ARHGEF37: variants seen among roughly 807,000 people sequenced by gnomAD.
The protein encoded by ARHGEF37 is Rho guanine nucleotide exchange factor (GEF) 37.
Under a neutral mutation model 71.1 loss-of-function variants are expected in ARHGEF37, and 55 were observed. That is an observed-to-expected ratio of 0.77 (90% CI 0.62 to 0.97). ARHGEF37 has a LOEUF of 0.97. Among genes scored for constraint, ARHGEF37 ranks in the 50% least tolerant of loss-of-function variants. The pLI is 0.00. For synonymous variants in ARHGEF37, 327 were observed against 350.6 expected (o/e 0.93, Z 0.75); for missense variants, 765 against 836.8 (o/e 0.91, Z 1.06).
In ARHGEF37 at chr5:149,601,216, C is replaced by G. The variant is rs1011002054; in HGVS notation, c.295C>G (p.Gln99Glu). The G allele has an allele frequency of 1.2e-6, 2 of 1,612,084 alleles. No individual in the cohort carries two copies. Among genetic ancestry groups the G allele is most frequent in the African/African-American group, 1.3e-5 (1 of 74,866 alleles). Residue 99 changes from glutamine (Q) to glutamate (E), a missense_variant, in exon 3 of 13, where the codon CAA becomes GAA. By Grantham distance (29) the Gln-to-Glu change is conservative. Transcript: ENST00000333677. Reference sequence around the variant, plus strand: ...GGAGACAGCCTCCAAGGAAGAGGAACAAGTGCAGCTAGTTGGTAAGCAAAA... The same window carrying G: ...GGAGACAGCCTCCAAGGAAGAGGAAGAAGTGCAGCTAGTTGGTAAGCAAAA... The part of the protein sequence containing the change: ...LQETASKEEE[Q>E]VQLVGNIFLE...
chr5:149,609,739 C>A, intron 4 of ARHGEF37, 44 bp downstream of exon 4: 1 of 1,609,822 alleles, frequency 6.2e-7, no homozygotes, highest in South Asian at 1.1e-5. Context: ...CCCCACTGAC[C>A]CGGTTCAGGA....
chr5:149,573,033 G>A (rs1194920424), intron 1 of ARHGEF37, among the ~76,000 whole-genome samples: 2 of 152,174 alleles, frequency 1.3e-5, no homozygotes, highest in Non-Finnish European at 2.9e-5. Flanking sequence ...TGGCAGAAAA[G>A]GTCAAAGCGG....
At chr5:149,597,642 CTGTT>C in intron 1 of ARHGEF37, 113 bp from the exon 2 acceptor site, 1 of 887,432 alleles carries the variant, frequency 1.1e-6, no homozygotes, top group South Asian at 2.1e-5. Flanking sequence ...CATCTTGACT[CTGTT>C]TGCAGCTTAA....
chr5:149,622,538 C>A, intron 9 of ARHGEF37, among the ~76,000 whole-genome samples: 1 of 152,154 alleles, frequency 6.6e-6, no homozygotes, highest in East Asian at 1.9e-4. Flanking sequence ...CTCACAACAA[C>A]CCTACAGAGG....
At chr5:149,624,638 G>A (rs1432371932) in intron 10 of ARHGEF37, among the ~76,000 whole-genome samples, 1 of 75,696 alleles carries the variant, frequency 1.3e-5, no homozygotes, top group Non-Finnish European at 2.8e-5. Flanking sequence ...GCTGAGCGTG[G>A]TGGTGTGCAC....
Position 149,563,652 on chromosome 5 carries a change from T to C in ARHGEF37, c.-12+11529T>C, listed in dbSNP as rs576465672. ...CAAAGGTGACTTTCTCTAACCTTCC[T>C]GGGGGAGGGAGACAAGCTTTCAGCT... On this transcript the variant is annotated intron_variant, in intron 1 of 2. Coordinates refer to the ARHGEF37 transcript ENST00000505810. 2.0e-5 allele frequency among the ~76,000 whole-genome samples: 3 copies of C among 152,300 alleles called. No homozygotes were observed. The East Asian group carries it at 5.8e-4, about 29-fold the overall frequency.
At chr5:149,619,104 T>A in intron 7 of ARHGEF37, 62 bp downstream of exon 7, 1 of 1,386,048 alleles carries the variant, frequency 7.2e-7, no homozygotes. Flanking sequence ...GCAGGAGGCT[T>A]GCAGGGCCCA....
At chr5:149,577,576 G>T (rs1763041277), upstream of ARHGEF37, among the ~76,000 whole-genome samples, 1 of 152,206 alleles carries the variant, frequency 6.6e-6, no homozygotes, top group South Asian at 2.1e-4. Context: ...GAAGTTCTCT[G>T]ATTAGCTAAA....
chr5:149,630,692 G>C (rs1752854964), intron 12 of ARHGEF37, among the ~76,000 whole-genome samples: 1 of 152,166 alleles, frequency 6.6e-6, no homozygotes, highest in African/African-American at 2.4e-5. Context: ...CCGCCGCCCA[G>C]CTCCAGTCAA....
At chr5:149,565,092 A>G (rs1762883493) in intron 1 of ARHGEF37, among the ~76,000 whole-genome samples, 1 of 152,200 alleles carries the variant, frequency 6.6e-6, no homozygotes, top group Non-Finnish European at 1.5e-5. Context: ...GAGCCAGGCA[A>G]GTGTTAGGAG....
At chr5:149,585,570 T>C (rs1189514475) in intron 1 of ARHGEF37, among the ~76,000 whole-genome samples, 6 of 152,182 alleles carry the variant, frequency 3.9e-5, no homozygotes. Flanking sequence ...CAGGCTGGAG[T>C]GCAGTGGCGT....
intron 1 of ARHGEF37, among the ~76,000 whole-genome samples, chr5:149,570,515 G>T (rs1762950248): frequency 6.6e-6 from 1 of 150,618 alleles, no homozygotes; most frequent in Admixed American, 6.6e-5. Context: ...GGCGGAGGTT[G>T]CAGTGAGCCG....
rs375549055 is a variant in ARHGEF37, at chr5:149,618,273, G to T, written c.756G>T (p.Gln252His). 6.2e-7 allele frequency: 1 copy of T among 1,614,248 alleles called. No homozygotes were observed. Among genetic ancestry groups the T allele is most frequent in the African/African-American group, 1.3e-5 (1 of 75,082 alleles). The stretch of plus-strand genomic sequence containing the variant: ...CCAAGAAGACCACCCGGCTGAGCCA[G>T]CTGCTGAAGCAGGAGGCGGGGCTGA... Reference protein sequence around the residue: ...TLSKKTTRLSQLLKQEAGLIP... With the variant: ...TLSKKTTRLSHLLKQEAGLIP... Residue 252 changes from glutamine to histidine, a missense_variant, in exon 6 of 13, where the codon CAG (glutamine) becomes CAT (histidine). Gln to His is a conservative substitution (Grantham distance 24). Transcript: ENST00000333677.
intron 1 of ARHGEF37, among the ~76,000 whole-genome samples, chr5:149,554,988 G>A (rs552481379): frequency 4.6e-5 from 7 of 152,002 alleles, no homozygotes; most frequent in South Asian, 2.1e-4. Context: ...AAAATTAGCC[G>A]GGCGTGGTGG....
intron 12 of ARHGEF37, among the ~76,000 whole-genome samples, chr5:149,630,946 A>C (rs1752862215): frequency 6.6e-6 from 1 of 152,210 alleles, no homozygotes. Flanking sequence ...TGTATGTATC[A>C]GGCACTGTGT....
At chr5:149,591,610 C>A (rs1271232726) in intron 1 of ARHGEF37, among the ~76,000 whole-genome samples, 1 of 152,172 alleles carries the variant, frequency 6.6e-6, no homozygotes, top group East Asian at 1.9e-4. Flanking sequence ...ATAACTTAAG[C>A]TATATAGACA....
At position 149,557,865 on chromosome 5, in the gene ARHGEF37, AT is replaced by A. The variant is rs529240803; in HGVS notation, c.-12+5760del. On this transcript the variant is annotated intron_variant, in intron 1 of 2. Transcript: ENST00000505810. ...GTAAGTTCTATATGTTTACCCAATA[AT>A]TTTTTTTTTTTTTTTTTGAGACAGA... 6.4e-3 allele frequency among the ~76,000 whole-genome samples: 879 copies of A among 137,030 alleles called. 1 individual carries two copies. The highest frequency in any genetic ancestry group is 0.015 in the African/African-American group (542 of 36,770). The allele number at this position is 137,030 out of a possible 152,430, so 89.9% of individuals were successfully genotyped here.
intron 2 of ARHGEF37, among the ~76,000 whole-genome samples, chr5:149,598,372 CTCTTCCTCT>C (rs1763633686): frequency 9.9e-6 from 1 of 100,820 alleles, no homozygotes; most frequent in Admixed American, 1.3e-4. Flanking sequence ...CCTCTTCTTC[CTCTTCCTCT>C]TCTTCCTCTT....
In ARHGEF37 at chr5:149,565,294, A is replaced by G. The variant is rs189797785; in HGVS notation, c.-12+13171A>G. 2.0e-5 allele frequency among the ~76,000 whole-genome samples: 3 copies of G among 152,330 alleles called. No homozygotes were observed. In the East Asian group the frequency reaches 5.8e-4, roughly 29 times the overall value. On this transcript the variant is annotated intron_variant, in intron 1 of 2. Transcript: ENST00000505810. ...TAAACTGGTTTCTCCCAGTGGACCG[A>G]TGAGCCATGACAGCAGAGAATAAGT...
Sources: gnomAD v4.1 joint callset for allele counts (sites outside exome capture counted in the v4.1 genomes callset) on GRCh38, gnomAD v4.1.1 for gene constraint, MANE v1.5 for transcripts, NCBI Gene and HGNC (gene_info 2026-07-23, HGNC 2026-07-21) for gene names.